Variants in FERMT1 observed in about 807,000 individuals in gnomAD.
FERMT1 encodes fermitin family homolog 1.
A neutral mutation model predicts 85.3 loss-of-function variants in FERMT1; 60 were observed. The observed-to-expected ratio is 0.70, with a 90% CI of 0.57 to 0.87. The LOEUF (loss-of-function observed/expected upper bound fraction) is 0.87. FERMT1 is among the 40% of genes least tolerant of loss of function. The pLI is 0.00. For missense variants in FERMT1, 701 were observed against 818.9 expected, an observed-to-expected ratio of 0.86 and a Z score of 1.76; for synonymous variants, 275 against 301.1, an observed-to-expected ratio of 0.91 and a Z score of 0.90.
chr20:6,103,190 G>A (rs1219642373), intron 6 of FERMT1, among the ~76,000 whole-genome samples: 1 of 152,126 alleles, frequency 6.6e-6, no homozygotes, highest in African/African-American at 2.4e-5. Context: ...CCTGGAAATG[G>A]TAGTTTCTCT....
intron 1 of FERMT1, among the ~76,000 whole-genome samples, chr20:6,121,042 G>A (rs1983258435): frequency 6.6e-6 from 1 of 152,194 alleles, no homozygotes; most frequent in South Asian, 2.1e-4. Flanking sequence ...ATTGAATACT[G>A]CAAATCTGAA....
At chr20:6,090,640 T>A (rs1982330687) in intron 9 of FERMT1, among the ~76,000 whole-genome samples, 1 of 151,816 alleles carries the variant, frequency 6.6e-6, no homozygotes, top group African/African-American at 2.4e-5. Flanking sequence ...TAGTCCCAGC[T>A]ATGTGGGAGG....
At chr20:6,088,268 A>T (rs774551687) in intron 10 of FERMT1, among the ~76,000 whole-genome samples, 2 of 152,346 alleles carry the variant, frequency 1.3e-5, no homozygotes, top group Admixed American at 6.5e-5. Context: ...CAATTAATAG[A>T]TGGTTATCAG....
At position 6,076,915 on chromosome 20, in the gene FERMT1, A is replaced by G. The variant is rs1981840197; in HGVS notation, c.*258T>C. 1.3e-5 allele frequency: 7 copies of G among 531,340 alleles called. No individual in the cohort carries two copies. The South Asian group carries it at 1.4e-4, about 11-fold the overall frequency. The allele number at this position is 531,340 out of a possible 1,614,324, so 32.9% of individuals were successfully genotyped here. A position where few individuals can be genotyped will look rare whatever the true frequency, so the allele number is the denominator to read the frequency against. On this transcript the variant is annotated 3_prime_UTR_variant, in exon 15 of 15. Transcript: ENST00000217289. ...TAACCACATGCTGGGCCTTAGAGCAATCTTAGGGCACCTGCTTTTCTCCTG... is the reference window on the plus strand; with the variant it reads ...TAACCACATGCTGGGCCTTAGAGCAGTCTTAGGGCACCTGCTTTTCTCCTG...
intron 7 of FERMT1, 131 bp downstream of exon 7, chr20:6,097,393 A>AAC (rs1299750082): frequency 5.5e-6 from 4 of 733,412 alleles, no homozygotes; most frequent in Non-Finnish European, 9.5e-6. Flanking sequence ...AAATACAGAA[A>AAC]ACAATTGCTC....
chr20:6,092,889 C>T (rs1982405686), intron 9 of FERMT1, among the ~76,000 whole-genome samples: 1 of 152,042 alleles, frequency 6.6e-6, no homozygotes, highest in Admixed American at 6.6e-5. Flanking sequence ...GAACTAGATT[C>T]CTGCCTCATT....
At chr20:6,088,122 T>G (rs1168495818) in intron 10 of FERMT1, among the ~76,000 whole-genome samples, 1 of 152,224 alleles carries the variant, frequency 6.6e-6, no homozygotes, top group Non-Finnish European at 1.5e-5. Context: ...TCAATTTAGT[T>G]CATTTTCAGG....
chr20:6,076,073 C>T lies in FERMT1; in HGVS notation c.*1100G>A, dbSNP rs1044639904. On this transcript the variant is annotated 3_prime_UTR_variant, in exon 15 of 15. Transcript: ENST00000217289. ...GCTTGTGATTTACAAAAGCCAAAGTCCTTTAGATAAAAGGCCAGGAGTCGT... is the reference window on the plus strand; with the variant it reads ...GCTTGTGATTTACAAAAGCCAAAGTTCTTTAGATAAAAGGCCAGGAGTCGT... 1 of 162,432 alleles carries T rather than the reference C, an allele frequency of 6.2e-6. No homozygotes were observed. The highest frequency in any genetic ancestry group is 2.8e-3 in the Middle Eastern group (1 of 358). 10.1% of individuals were successfully genotyped at this position (162,432 alleles called of 1,614,324 possible). A position where few individuals can be genotyped will look rare whatever the true frequency, so the allele number is the denominator to read the frequency against.
At chr20:6,105,599 A>C (rs1428794793) in intron 6 of FERMT1, among the ~76,000 whole-genome samples, 1 of 152,234 alleles carries the variant, frequency 6.6e-6, no homozygotes, top group Non-Finnish European at 1.5e-5. Flanking sequence ...CAATTAACTA[A>C]AAATATATTA....
chr20:6,105,546 T>G (rs1390289037), intron 6 of FERMT1, among the ~76,000 whole-genome samples: 1 of 152,242 alleles, frequency 6.6e-6, no homozygotes, highest in Admixed American at 6.5e-5. Context: ...ACATCACTAC[T>G]TTGAAATTAT....
rs376176172 is a variant in FERMT1 at position 6,080,095 on chromosome 20, G to A, written c.1719-518C>T. 1.4e-4 allele frequency among the ~76,000 whole-genome samples: 21 copies of A among 152,296 alleles called. 1 individual carries two copies. The South Asian group carries it at 4.1e-3, about 30-fold the overall frequency. ...AAAAAATGGATATGCATGAGGATGT[G>A]AGCCGCGTGGATATCTGGGGAAAGA... On this transcript the variant is annotated intron_variant, in intron 13 of 14. Coordinates refer to ENST00000217289, the MANE Select transcript of FERMT1 (RefSeq NM_017671.5).
chr20:6,116,132 G>A (rs1446422717), intron 2 of FERMT1, 88 bp from the exon 3 acceptor site: 19 of 918,112 alleles, frequency 2.1e-5, no homozygotes, highest in South Asian at 5.6e-5. Flanking sequence ...CATTGTGTGC[G>A]AAAATGGAAA....
chr20:6,114,142 C>T (rs1983035608), intron 3 of FERMT1, among the ~76,000 whole-genome samples: 1 of 152,178 alleles, frequency 6.6e-6, no homozygotes, highest in South Asian at 2.1e-4. Context: ...TGACTCTCCC[C>T]AGCAGCCAAG....
At chr20:6,088,584 G>A (rs372006686) in intron 10 of FERMT1, among the ~76,000 whole-genome samples, 5 of 151,580 alleles carry the variant, frequency 3.3e-5, no homozygotes, top group East Asian at 3.9e-4. Context: ...TAAGTAAACC[G>A]TGCCTCATGG....
At position 6,077,104 on chromosome 20, in the gene FERMT1, T is replaced by G; in HGVS notation, c.*69A>C. ...TCCAGAATCTACATGCTGGGCACGTTAGGGATCCCTCTGGGGAGGGGCGCC... is the reference window on the plus strand; with the variant it reads ...TCCAGAATCTACATGCTGGGCACGTGAGGGATCCCTCTGGGGAGGGGCGCC... On this transcript the variant is annotated 3_prime_UTR_variant, in exon 15 of 15. Transcript: ENST00000217289. 1.3e-6 allele frequency: 2 copies of G among 1,502,402 alleles called. No homozygotes were observed. The highest frequency in any genetic ancestry group is 1.9e-6 in the Non-Finnish European group (2 of 1,080,026). The allele number at this position is 1,502,402 out of a possible 1,614,324, so 93.1% of individuals were successfully genotyped here. A position where few individuals can be genotyped will look rare whatever the true frequency, so the allele number is the denominator to read the frequency against.
Position 6,115,809 on chromosome 20 carries a change from A to C in FERMT1, c.385+2T>G. On this transcript the variant is annotated splice_donor_variant, in intron 3 of 14. Coordinates refer to ENST00000217289, the MANE Select transcript of FERMT1 (RefSeq NM_017671.5). LOFTEE classifies it high-confidence loss of function. ...GCACAGGGGCCTTTCCTGGGTACTTACTCAGGATTTTGCAGATATCACTGA... is the reference window on the plus strand; with the variant it reads ...GCACAGGGGCCTTTCCTGGGTACTTCCTCAGGATTTTGCAGATATCACTGA... 6.2e-7 allele frequency: 1 copy of C among 1,610,696 alleles called. No homozygotes were observed. The highest frequency in any genetic ancestry group is 8.5e-7 in the Non-Finnish European group (1 of 1,176,874).
intron 4 of FERMT1, among the ~76,000 whole-genome samples, chr20:6,112,158 G>C (rs1982968912): frequency 6.6e-6 from 1 of 152,118 alleles, no homozygotes; most frequent in Admixed American, 6.5e-5. Context: ...TTACAAGCAT[G>C]AGGCACCGTG....
chr20:6,075,051 T>TTG lies in FERMT1; in HGVS notation c.*2121_*2122insCA, dbSNP rs1248195797. 7.0e-6 allele frequency: 1 copy of TTG among 143,382 alleles called. No homozygotes were observed. The highest frequency in any genetic ancestry group is 2.7e-5 in the African/African-American group (1 of 37,530). The allele number at this position is 143,382 out of a possible 1,614,324, so 8.9% of individuals were successfully genotyped here. A position where few individuals can be genotyped will look rare whatever the true frequency, so the allele number is the denominator to read the frequency against. The stretch of plus-strand genomic sequence containing the variant: ...TTGGAACAGTAGCATTTAGGTTTGT[T>TTG]TTTTTTTTTTTTTGTCACACTTGTT... On this transcript the variant is annotated 3_prime_UTR_variant, in exon 15 of 15. Coordinates refer to ENST00000217289, the MANE Select transcript of FERMT1 (RefSeq NM_017671.5).
intron 9 of FERMT1, among the ~76,000 whole-genome samples, chr20:6,089,612 A>G (rs1982291730): frequency 6.6e-6 from 1 of 152,264 alleles, no homozygotes; most frequent in East Asian, 1.9e-4. Context: ...CAAGTCAGAT[A>G]TAAACATGAG....
Sources: gnomAD v4.1 joint callset for allele counts (sites outside exome capture counted in the v4.1 genomes callset) on GRCh38, gnomAD v4.1.1 for gene constraint, MANE v1.5 for transcripts, NCBI Gene and HGNC (gene_info 2026-07-23, HGNC 2026-07-21) for gene names.